The following PTPRK variants were observed in gnomAD, a reference collection of about 807,000 sequenced individuals.
PTPRK encodes receptor-type tyrosine-protein phosphatase kappa.
Under a neutral mutation model 178.0 loss-of-function variants are expected in PTPRK, and 75 were observed. The ratio of observed to expected loss-of-function variants is 0.42; its 90% confidence interval spans 0.35 to 0.51. The LOEUF is 0.51. PTPRK is among the 20% of genes least tolerant of loss of function. The probability of loss-of-function intolerance (pLI) is 0.02; values close to 1 mark genes in which losing one functional copy is unlikely to be tolerated. For synonymous variants in PTPRK, 637 were observed against 620.6 expected, an observed-to-expected ratio of 1.03 and a Z score of -0.39; for missense variants, 1,441 against 1,797.8, an observed-to-expected ratio of 0.80 and a Z score of 3.59.
intron 7 of PTPRK, among the ~76,000 whole-genome samples, chr6:128,174,552 A>C (rs1381926767): frequency 6.6e-6 from 1 of 151,930 alleles, no homozygotes; most frequent in Non-Finnish European, 1.5e-5. Context: ...AAATATATAT[A>C]AATTTATTTC....
chr6:128,137,398 A>G (rs1471821921), intron 7 of PTPRK, among the ~76,000 whole-genome samples: 1 of 152,202 alleles, frequency 6.6e-6, no homozygotes, highest in East Asian at 1.9e-4. Context: ...TAATAGTAAC[A>G]TACAGGAGGT....
chr6:128,185,884 T>C (rs1251076535), intron 6 of PTPRK, among the ~76,000 whole-genome samples: 1 of 152,120 alleles, frequency 6.6e-6, no homozygotes, highest in East Asian at 1.9e-4. Flanking sequence ...ATAAGGCCTG[T>C]AGACAGGTTT....
In PTPRK at chr6:127,976,954, A is replaced by G. The variant is rs745610670; in HGVS notation, c.3812T>C (p.Ile1271Thr). 1 of 1,614,132 alleles carries G rather than the reference A, an allele frequency of 6.2e-7. No homozygotes were observed. The highest frequency in any genetic ancestry group is 8.5e-7 in the Non-Finnish European group (1 of 1,180,000). The change falls in exon 26 of 30, where the codon ATT becomes ACT. Residue 1271 changes from isoleucine to threonine, a missense_variant. Transcript: ENST00000368226. The part of the protein sequence containing the change: ...RLVYDYGCTS[I>T]VMLNEVDLSQ... ...CAAGTCGACTTCGTTTAACATCACA[A>G]TGGAGGTACAGCCATAATCATACAC... is the stretch of plus-strand genomic sequence containing the variant.
At chr6:127,972,210 T>G (rs1229532367) in intron 29 of PTPRK, among the ~76,000 whole-genome samples, 1 of 152,246 alleles carries the variant, frequency 6.6e-6, no homozygotes. Context: ...GAATTGCTCA[T>G]TCTAGTTATC....
chr6:128,067,120 G>A (rs541169827), intron 12 of PTPRK, among the ~76,000 whole-genome samples: 6 of 152,292 alleles, frequency 3.9e-5, no homozygotes, highest in East Asian at 1.9e-4. Flanking sequence ...TGTGGAACAC[G>A]CATTCTGTTT....
chr6:128,416,862 G>C (rs1051908576), intron 1 of PTPRK, among the ~76,000 whole-genome samples: 1 of 151,372 alleles, frequency 6.6e-6, no homozygotes, highest in Non-Finnish European at 1.5e-5. Flanking sequence ...GTCTGGGTAA[G>C]AGTCGGTGAA....
intron 5 of PTPRK, among the ~76,000 whole-genome samples, chr6:128,222,998 G>T (rs549724782): frequency 6.6e-6 from 1 of 152,064 alleles, no homozygotes; most frequent in South Asian, 2.1e-4. Context: ...TGCTGACAGG[G>T]TCATGGATAC....
intron 7 of PTPRK, among the ~76,000 whole-genome samples, chr6:128,171,884 G>GT (rs917536042): frequency 2.6e-5 from 4 of 151,906 alleles, no homozygotes; most frequent in East Asian, 3.9e-4. Flanking sequence ...TCAAAAATAT[G>GT]TTTCTAAAAG....
intron 3 of PTPRK, among the ~76,000 whole-genome samples, chr6:128,295,577 A>G (rs1048757189): frequency 6.6e-6 from 1 of 152,120 alleles, no homozygotes; most frequent in Non-Finnish European, 1.5e-5. Context: ...CTTGGTACAA[A>G]ATAAGTAAAG....
At chr6:128,463,924 G>T (rs1213436988) in intron 1 of PTPRK, among the ~76,000 whole-genome samples, 1 of 150,856 alleles carries the variant, frequency 6.6e-6, no homozygotes, top group East Asian at 1.9e-4. Context: ...GGTAATTTTT[G>T]TATTTTTTTT....
chr6:128,343,500 CAAAAAA>C (rs1199189035), intron 2 of PTPRK, among the ~76,000 whole-genome samples: 1 of 68,372 alleles, frequency 1.5e-5, no homozygotes, highest in African/African-American at 4.6e-5. Flanking sequence ...AACTCCATCT[CAAAAAA>C]AAAAAAAAAG....
chr6:128,343,304 A>G (rs960758960), intron 2 of PTPRK, among the ~76,000 whole-genome samples: 20 of 152,078 alleles, frequency 1.3e-4, no homozygotes, highest in Non-Finnish European at 2.2e-4. Flanking sequence ...GTTCGAGACC[A>G]GCCTGGCCAA....
intron 3 of PTPRK, among the ~76,000 whole-genome samples, chr6:128,299,775 G>A (rs1191309866): frequency 6.6e-6 from 1 of 152,080 alleles, no homozygotes; most frequent in Non-Finnish European, 1.5e-5. Context: ...AACCCCAGAA[G>A]AAAACCTAGG....
At chr6:128,343,672 T>C (rs1831997913) in intron 2 of PTPRK, among the ~76,000 whole-genome samples, 1 of 152,212 alleles carries the variant, frequency 6.6e-6, no homozygotes, top group Non-Finnish European at 1.5e-5. Flanking sequence ...TAAAGTTCTA[T>C]TAACAAACTC....
intron 14 of PTPRK, chr6:128,008,200 ATAAC>A (rs557456154): frequency 2.9e-4 from 136 of 468,624 alleles, no homozygotes; most frequent in African/African-American, 2.8e-3. Flanking sequence ...CAAGTATAAA[ATAAC>A]TATAATAGTA....
chr6:128,164,757 G>A (rs1432135636), intron 7 of PTPRK, among the ~76,000 whole-genome samples: 2 of 150,828 alleles, frequency 1.3e-5, no homozygotes, highest in African/African-American at 4.9e-5. Flanking sequence ...AATTATTGGA[G>A]GGTAGAAGAA....
At chr6:128,422,829 C>T (rs889110758) in intron 1 of PTPRK, among the ~76,000 whole-genome samples, 2 of 152,056 alleles carry the variant, frequency 1.3e-5, no homozygotes, top group Non-Finnish European at 2.9e-5. Flanking sequence ...AATGACTCCT[C>T]TTCATTCCCT....
Position 128,115,563 on chromosome 6 carries a change from T to C in PTPRK, c.1163-25571A>G, listed in dbSNP as rs538110424. 2.6e-5 allele frequency among the ~76,000 whole-genome samples: 4 copies of C among 152,166 alleles called. 1 individual carries two copies. The South Asian group carries it at 6.2e-4, about 24-fold the overall frequency. On this transcript the variant is annotated intron_variant, in intron 7 of 29. Transcript: ENST00000368226. The stretch of plus-strand genomic sequence containing the variant: ...ATAATAAAAGCCATATAAGAGTAAT[T>C]AAGGGAGTGAAGAGATAAATTTCAC...
At chr6:128,223,712 G>A (rs1320300141) in intron 5 of PTPRK, among the ~76,000 whole-genome samples, 1 of 152,016 alleles carries the variant, frequency 6.6e-6, no homozygotes, top group East Asian at 1.9e-4. Flanking sequence ...CTGGTTCTGT[G>A]GCTTCTCTCT....
Sources: allele counts gnomAD v4.1 joint callset (sites outside exome capture counted in the v4.1 genomes callset), GRCh38; gene constraint gnomAD v4.1.1; transcripts MANE v1.5; gene names NCBI Gene and HGNC (gene_info 2026-07-23, HGNC 2026-07-21).